PTPRD: variants seen among roughly 807,000 people sequenced by gnomAD.
PTPRD encodes the protein receptor-type tyrosine-protein phosphatase delta.
Under a neutral mutation model 214.5 loss-of-function variants are expected in PTPRD, and 34 were observed. That is an observed-to-expected ratio of 0.16 (90% CI 0.12 to 0.21). The LOEUF is 0.21. Among genes scored for constraint, PTPRD ranks in the 10% least tolerant of loss-of-function variants. PTPRD has a pLI of 1.00. For missense variants in PTPRD, 2,545 were observed against 2,398.7 expected, an observed-to-expected ratio of 1.06 and a Z score of -1.27; for synonymous variants, 1,128 against 845.7, an observed-to-expected ratio of 1.33 and a Z score of -5.79.
chr9:10,602,703 T>A (rs928167402), intron 2 of PTPRD, among the ~76,000 whole-genome samples: 4 of 151,886 alleles, frequency 2.6e-5, no homozygotes, highest in Admixed American at 2.6e-4. Context: ...TCACCACAAA[T>A]AATTGTAATT....
chr9:9,815,008 C>T (rs191444948), intron 5 of PTPRD, among the ~76,000 whole-genome samples: 1 of 152,062 alleles, frequency 6.6e-6, no homozygotes, highest in East Asian at 1.9e-4. Context: ...GTGCTTCACC[C>T]ACCTCAGCCT....
intron 3 of PTPRD, among the ~76,000 whole-genome samples, chr9:10,310,803 G>T (rs919316291): frequency 2.6e-5 from 4 of 152,070 alleles, no homozygotes; most frequent in Non-Finnish European, 5.9e-5. Flanking sequence ...ATTTTGACAA[G>T]TCTGAATAGT....
At chr9:8,505,624 C>CAA (rs954059567) in intron 22 of PTPRD, among the ~76,000 whole-genome samples, 1,259 of 55,400 alleles carry the variant, frequency 0.023, 56 homozygotes, top group African/African-American at 0.094. Flanking sequence ...GACTCTGTCT[C>CAA]AAAAAAAAAA....
intron 8 of PTPRD, among the ~76,000 whole-genome samples, chr9:9,507,899 G>T (rs949042674): frequency 2.0e-5 from 3 of 151,384 alleles, no homozygotes; most frequent in African/African-American, 4.8e-5. Flanking sequence ...CGTGTCTTGG[G>T]TAGCTCTGTA....
chr9:8,799,672 G>C (rs1029874417), intron 11 of PTPRD, among the ~76,000 whole-genome samples: 23 of 152,028 alleles, frequency 1.5e-4, no homozygotes, highest in African/African-American at 5.6e-4. Flanking sequence ...AATAAAGATG[G>C]TATAGCAGAT....
At chr9:9,619,866 T>C (rs1292765490) in intron 7 of PTPRD, among the ~76,000 whole-genome samples, 2 of 148,784 alleles carry the variant, frequency 1.3e-5, no homozygotes, top group Non-Finnish European at 3.0e-5. Flanking sequence ...TAGAAACATC[T>C]ATATATAATA....
intron 11 of PTPRD, among the ~76,000 whole-genome samples, chr9:9,014,914 G>C (rs958381617): frequency 2.6e-5 from 4 of 152,082 alleles, no homozygotes; most frequent in Admixed American, 2.6e-4. Context: ...AGGGATAAAA[G>C]ACCTTGCTAT....
At chr9:8,649,969 C>A (rs1391211811) in intron 12 of PTPRD, among the ~76,000 whole-genome samples, 1 of 152,022 alleles carries the variant, frequency 6.6e-6, no homozygotes, top group Non-Finnish European at 1.5e-5. Flanking sequence ...CTAGGCTGGA[C>A]TGCAGTTGCA....
At chr9:10,050,891 A>G (rs996054495) in intron 3 of PTPRD, among the ~76,000 whole-genome samples, 1 of 152,154 alleles carries the variant, frequency 6.6e-6, no homozygotes, top group African/African-American at 2.4e-5. Flanking sequence ...AAAATTACAT[A>G]AAATCAAATG....
At chr9:9,691,023 G>C (rs892802975) in intron 7 of PTPRD, among the ~76,000 whole-genome samples, 1 of 151,442 alleles carries the variant, frequency 6.6e-6, no homozygotes, top group South Asian at 2.1e-4. Context: ...ATTTTTGTGG[G>C]TACATAATAG....
intron 9 of PTPRD, among the ~76,000 whole-genome samples, chr9:9,246,522 C>T (rs562068919): frequency 1.3e-5 from 2 of 152,188 alleles, no homozygotes; most frequent in African/African-American, 4.8e-5. Flanking sequence ...ATGCATCAAG[C>T]TCAAATCTAG....
intron 7 of PTPRD, among the ~76,000 whole-genome samples, chr9:9,587,560 T>TTCTA (rs148919897): frequency 0.31 from 47,572 of 151,594 alleles, 7,851 homozygotes; most frequent in Non-Finnish European, 0.36. Flanking sequence ...GTTTGCTTCC[T>TTCTA]TCTAAGTATG....
At position 8,857,097 on chromosome 9, in the gene PTPRD, G is replaced by C. The variant is rs188044913; in HGVS notation, c.-103-123151C>G. Among the ~76,000 whole-genome samples the C allele has an allele frequency of 8.9e-4, 136 of 152,230 alleles. 2 individuals are homozygous for C. The highest frequency in any genetic ancestry group is 1.2e-3 in the Non-Finnish European group (82 of 68,020). ...GAACTACGAGCTTTGATTCTGCCAC[G>C]GGAAGGTCTCCCAAACAATCCCCCT... is the stretch of plus-strand genomic sequence containing the variant. On this transcript the variant is annotated intron_variant, in intron 11 of 45. Coordinates refer to ENST00000381196, the MANE Select transcript of PTPRD (RefSeq NM_002839.4).
intron 3 of PTPRD, among the ~76,000 whole-genome samples, chr9:10,193,753 G>A (rs1487877772): frequency 6.6e-6 from 1 of 151,974 alleles, no homozygotes; most frequent in East Asian, 1.9e-4. Context: ...AAGAGTTTTA[G>A]GAAAGCAATT....
chr9:8,416,414 T>C (rs1346720745), intron 35 of PTPRD, among the ~76,000 whole-genome samples: 1 of 152,226 alleles, frequency 6.6e-6, no homozygotes, highest in African/African-American at 2.4e-5. Flanking sequence ...TTACTATCCA[T>C]GTTCTTTAAT....
chr9:10,002,791 A>AT (rs1173384517), intron 4 of PTPRD, among the ~76,000 whole-genome samples: 1 of 151,348 alleles, frequency 6.6e-6, no homozygotes, highest in Non-Finnish European at 1.5e-5. Context: ...AAAGTAGATG[A>AT]TAAAAAAAAA....
chr9:9,987,633 A>G (rs1441530856), intron 4 of PTPRD, among the ~76,000 whole-genome samples: 1 of 152,138 alleles, frequency 6.6e-6, no homozygotes, highest in Non-Finnish European at 1.5e-5. Context: ...ATCTAATGCT[A>G]AAGTAATTAT....
chr9:9,002,484 T>C lies in PTPRD; in HGVS notation c.-104+16213A>G, dbSNP rs73640980. ...TATATAAACTTACTTTTGCCATTTT[T>C]AGAAGTTATGCCTGTTTCTTTTATA... On this transcript the variant is annotated intron_variant, in intron 11 of 45. Coordinates refer to ENST00000381196, the MANE Select transcript of PTPRD (RefSeq NM_002839.4). 9.2e-3 allele frequency among the ~76,000 whole-genome samples: 1,394 copies of C among 152,164 alleles called. 19 individuals are homozygous for C. Among genetic ancestry groups the C allele is most frequent in the African/African-American group, 0.032 (1,315 of 41,540 alleles).
At chr9:9,961,113 G>C (rs1399472859) in intron 4 of PTPRD, among the ~76,000 whole-genome samples, 1 of 151,940 alleles carries the variant, frequency 6.6e-6, no homozygotes, top group Non-Finnish European at 1.5e-5. Context: ...TTACAACTAG[G>C]TTAAATGAAT....
Sources: allele counts gnomAD v4.1 joint callset (sites outside exome capture counted in the v4.1 genomes callset), GRCh38; gene constraint gnomAD v4.1.1; transcripts MANE v1.5; gene names NCBI Gene and HGNC (gene_info 2026-07-23, HGNC 2026-07-21).